CUX1: variants seen among roughly 807,000 people sequenced by gnomAD.
CUX1 encodes the protein protein CASP.
CUX1 carries 31 observed loss-of-function variants against 158.8 expected under a neutral mutation model. That is an observed-to-expected ratio of 0.20 (90% CI 0.15 to 0.26). The LOEUF is 0.26. Among genes scored for constraint, CUX1 ranks in the 10% least tolerant of loss-of-function variants. The pLI, the probability that CUX1 is intolerant of heterozygous loss-of-function variation, is 1.00. For missense variants in CUX1, 1,589 were observed against 2,014.6 expected (o/e 0.79, Z 4.04); for synonymous variants, 879 against 862.1 (o/e 1.02, Z -0.34).
intron 2 of CUX1, among the ~76,000 whole-genome samples, chr7:101,955,891 TA>T (rs36062543): frequency 3.8e-4 from 55 of 143,116 alleles, no homozygotes; most frequent in Non-Finnish European, 3.5e-4. Flanking sequence ...TTTCTAAGGT[TA>T]AAAAAAAAAG....
chr7:102,253,691 A>G lies in CUX1; in HGVS notation c.*4649A>G. Reference sequence around the variant, plus strand: ...GGGCGACAGCCTTTGCCTTAAATGCAGTATGACAGGCGCTTCTTGGCAGAC... The same window carrying G: ...GGGCGACAGCCTTTGCCTTAAATGCGGTATGACAGGCGCTTCTTGGCAGAC... On this transcript the variant is annotated 3_prime_UTR_variant, in exon 24 of 24. Transcript: ENST00000292535. 1.0e-6 allele frequency: 1 copy of G among 985,524 alleles called. No homozygotes were observed. Among genetic ancestry groups the G allele is most frequent in the Non-Finnish European group, 1.2e-6 (1 of 829,978 alleles). The allele number at this position is 985,524 out of a possible 1,614,324, so 61.0% of individuals were successfully genotyped here.
chr7:101,879,305 C>T (rs1309855570), intron 1 of CUX1, among the ~76,000 whole-genome samples: 1 of 151,934 alleles, frequency 6.6e-6, no homozygotes, highest in East Asian at 1.9e-4. Context: ...CTTCACATAG[C>T]TTTAACATGA....
chr7:101,852,153 G>A (rs751620908), intron 1 of CUX1, among the ~76,000 whole-genome samples: 2 of 151,840 alleles, frequency 1.3e-5, no homozygotes, highest in African/African-American at 2.4e-5. Flanking sequence ...TCATGCCTCT[G>A]TCTTTTTTGA....
At chr7:102,203,970 G>A (rs970405371) in intron 18 of CUX1, among the ~76,000 whole-genome samples, 5 of 152,154 alleles carry the variant, frequency 3.3e-5, no homozygotes, top group Non-Finnish European at 7.4e-5. Context: ...CAGTCCCACC[G>A]GCACCCACTG....
chr7:102,061,589 C>T (rs1304966188), intron 3 of CUX1, among the ~76,000 whole-genome samples: 2 of 152,174 alleles, frequency 1.3e-5, no homozygotes, highest in Non-Finnish European at 2.9e-5. Context: ...AGGCAGAGCA[C>T]CTGTTTTATG....
chr7:102,181,056 C>A (rs1244952565), intron 11 of CUX1, among the ~76,000 whole-genome samples: 2 of 151,812 alleles, frequency 1.3e-5, no homozygotes, highest in African/African-American at 4.8e-5. Context: ...ATTCTCCTGC[C>A]TCTGCCTCCT....
intron 1 of CUX1, among the ~76,000 whole-genome samples, chr7:101,905,452 G>C (rs1802645693): frequency 6.6e-6 from 1 of 152,208 alleles, no homozygotes; most frequent in African/African-American, 2.4e-5. Context: ...CCATCTTACA[G>C]ACTCCAGATT....
chr7:101,951,870 G>A lies in CUX1; in HGVS notation c.141+35645G>A, dbSNP rs190822327. On this transcript the variant is annotated intron_variant, in intron 2 of 23. Transcript: ENST00000292535. ...AACTGTTTACTGTAAAGAACCAGAT[G>A]GTAAAATACTGTAGGTTTCGGCAGG... 2.2e-4 allele frequency among the ~76,000 whole-genome samples: 34 copies of A among 152,328 alleles called. 1 individual carries two copies. Among genetic ancestry groups the A allele is most frequent in the African/African-American group, 7.7e-4 (32 of 41,570 alleles).
intron 2 of CUX1, among the ~76,000 whole-genome samples, chr7:101,980,241 C>T (rs1489691178): frequency 6.6e-6 from 1 of 152,232 alleles, no homozygotes; most frequent in South Asian, 2.1e-4. Flanking sequence ...TGTGGGGGCT[C>T]ACACCTGGAA....
chr7:101,869,444 A>G lies in CUX1; in HGVS notation c.31-46671A>G, dbSNP rs550983905. On this transcript the variant is annotated intron_variant, in intron 1 of 23. Coordinates refer to ENST00000292535, the MANE Select transcript of CUX1 (RefSeq NM_181552.4). The surrounding 1 kb of genome is among the most constrained non-coding windows in gnomAD (Gnocchi z 4.5). ...GGTCGGAATTGGCCACAGGTCTCCT[A>G]ATGCCTGGCATGTGCGTCAACGCAT... 6.6e-6 allele frequency among the ~76,000 whole-genome samples: 1 copy of G among 152,314 alleles called. No individual in the cohort carries two copies. Among genetic ancestry groups the G allele is most frequent in the East Asian group, 1.9e-4 (1 of 5,176 alleles).
chr7:101,830,076 G>T (rs1262784673), intron 1 of CUX1, among the ~76,000 whole-genome samples: 7 of 152,176 alleles, frequency 4.6e-5, no homozygotes, highest in Non-Finnish European at 1.0e-4. Context: ...AGATGCTGGG[G>T]CTATGCCCCT....
chr7:102,003,221 C>T (rs916644244), intron 2 of CUX1, among the ~76,000 whole-genome samples: 4 of 151,692 alleles, frequency 2.6e-5, no homozygotes, highest in African/African-American at 9.7e-5. Context: ...CTAGAGAGGC[C>T]CCTTGATCCC....
intron 8 of CUX1, among the ~76,000 whole-genome samples, chr7:102,143,970 C>T (rs797043641): frequency 3.3e-5 from 5 of 151,994 alleles, no homozygotes; most frequent in Admixed American, 6.6e-5. Flanking sequence ...TTAGTAGAGA[C>T]GAGCCTTTAC....
At chr7:102,040,518 G>A (rs1178403402) in intron 3 of CUX1, among the ~76,000 whole-genome samples, 5 of 152,110 alleles carry the variant, frequency 3.3e-5, no homozygotes, top group Admixed American at 1.3e-4. Flanking sequence ...TTTCAAAGAC[G>A]TACAGTAGAA....
At chr7:101,833,885 T>G (rs1243204294) in intron 1 of CUX1, among the ~76,000 whole-genome samples, 1 of 152,122 alleles carries the variant, frequency 6.6e-6, no homozygotes, top group Non-Finnish European at 1.5e-5. Context: ...TCAGGGCACT[T>G]GGCATCTCCT....
chr7:102,046,694 A>T (rs1043031334), intron 3 of CUX1, among the ~76,000 whole-genome samples: 2 of 148,384 alleles, frequency 1.3e-5, no homozygotes, highest in Non-Finnish European at 3.0e-5. Context: ...CTCCAGCCTC[A>T]GCCTCCTGAG....
At chr7:101,904,861 G>A (rs772438344) in intron 1 of CUX1, among the ~76,000 whole-genome samples, 14 of 152,150 alleles carry the variant, frequency 9.2e-5, no homozygotes, top group African/African-American at 1.9e-4. Flanking sequence ...GAGCCACTGC[G>A]CCTGGCCCCA....
At chr7:101,873,811 C>G (rs1174264607) in intron 1 of CUX1, among the ~76,000 whole-genome samples, 1 of 152,146 alleles carries the variant, frequency 6.6e-6, no homozygotes, top group Non-Finnish European at 1.5e-5. Flanking sequence ...TCTCGAACTC[C>G]TGGCCTCAGG....
chr7:102,190,778 C>A (rs1794189205), intron 12 of CUX1, among the ~76,000 whole-genome samples: 1 of 152,134 alleles, frequency 6.6e-6, no homozygotes, highest in South Asian at 2.1e-4. Context: ...GATGCCCTAG[C>A]CCTCTGCTAG....
Sources: allele counts gnomAD v4.1 joint callset (sites outside exome capture counted in the v4.1 genomes callset), GRCh38; gene constraint gnomAD v4.1.1; non-coding constraint Gnocchi (gnomAD v3.1); transcripts MANE v1.5; gene names NCBI Gene and HGNC (gene_info 2026-07-23, HGNC 2026-07-21).